Variants in PKNOX2 observed in about 807,000 individuals in gnomAD.
PKNOX2 encodes PBX/knotted 1 homeobox 2.
A neutral mutation model predicts 53.1 loss-of-function variants in PKNOX2; 14 were observed. That is an observed-to-expected ratio of 0.26 (90% CI 0.17 to 0.41). PKNOX2 has a LOEUF of 0.41. PKNOX2 is among the 10% of genes least tolerant of loss of function. The probability of loss-of-function intolerance (pLI) is 1.00; values close to 1 mark genes in which losing one functional copy is unlikely to be tolerated. For synonymous variants in PKNOX2, 257 were observed against 242.8 expected, an observed-to-expected ratio of 1.06 and a Z score of -0.54; for missense variants, 496 against 602.8, an observed-to-expected ratio of 0.82 and a Z score of 1.85.
rs575439410 is a variant in PKNOX2, at chr11:125,321,775, C to T, written c.-129-10044C>T. On this transcript the variant is annotated intron_variant, in intron 2 of 12. Coordinates refer to ENST00000298282, the MANE Select transcript of PKNOX2 (RefSeq NM_001382323.2). ...CCTTTTGGGCTGCTGTCACAAGATA[C>T]CTTAGACTGGGTAATGTAGAAAACA... 5.5e-4 allele frequency among the ~76,000 whole-genome samples: 84 copies of T among 152,320 alleles called. 4 individuals are homozygous for T. Among genetic ancestry groups the T allele is most frequent in the African/African-American group, 3.8e-4 (16 of 41,572 alleles).
intron 10 of PKNOX2, among the ~76,000 whole-genome samples, chr11:125,415,197 A>T (rs1489705266): frequency 1.3e-5 from 2 of 151,958 alleles, no homozygotes; most frequent in Non-Finnish European, 2.9e-5. Flanking sequence ...TCCATGGTGA[A>T]ATAAGTTTGG....
intron 10 of PKNOX2, among the ~76,000 whole-genome samples, chr11:125,425,134 C>T (rs1366609330): frequency 6.6e-6 from 1 of 152,214 alleles, no homozygotes; most frequent in Non-Finnish European, 1.5e-5. Flanking sequence ...TTACCCTGCA[C>T]TATCTCATTA....
chr11:125,350,620 C>A (rs576421070), intron 3 of PKNOX2, among the ~76,000 whole-genome samples: 1 of 152,170 alleles, frequency 6.6e-6, no homozygotes, highest in Non-Finnish European at 1.5e-5. Flanking sequence ...GTCACAAGCC[C>A]GAGTCTGGGA....
At position 125,202,202 on chromosome 11, in the gene PKNOX2, C is replaced by T. The variant is rs139179932; in HGVS notation, c.-200-32843C>T. Among the ~76,000 whole-genome samples the T allele has an allele frequency of 6.5e-3, 989 of 152,298 alleles. 39 individuals are homozygous for T. The highest frequency in any genetic ancestry group is 0.058 in the Admixed American group (886 of 15,300). On this transcript the variant is annotated intron_variant, in intron 1 of 12. Coordinates refer to ENST00000298282, the MANE Select transcript of PKNOX2 (RefSeq NM_001382323.2). ...CCTGCAAAAGACACAGCCTGAATGG[C>T]ATCCCCAAGACAGCCCCCCATCTCG...
chr11:125,288,663 C>A (rs927926431), intron 2 of PKNOX2, among the ~76,000 whole-genome samples: 1 of 152,132 alleles, frequency 6.6e-6, no homozygotes, highest in Non-Finnish European at 1.5e-5. Flanking sequence ...GCACGTCTCC[C>A]GTAGGAAGCA....
At chr11:125,419,382 A>T (rs1956050724) in intron 10 of PKNOX2, among the ~76,000 whole-genome samples, 1 of 151,628 alleles carries the variant, frequency 6.6e-6, no homozygotes, top group Admixed American at 6.5e-5. Flanking sequence ...CTTGCCTTGG[A>T]AAATGCTGAG....
At chr11:125,182,360 G>A (rs1956203376) in intron 1 of PKNOX2, among the ~76,000 whole-genome samples, 1 of 152,184 alleles carries the variant, frequency 6.6e-6, no homozygotes, top group Non-Finnish European at 1.5e-5. Context: ...ATCCCCCAGA[G>A]ATAGGCAGAT....
intron 4 of PKNOX2, among the ~76,000 whole-genome samples, chr11:125,360,178 A>T (rs1369579198): frequency 1.3e-5 from 2 of 149,984 alleles, no homozygotes; most frequent in African/African-American, 4.9e-5. Context: ...GAAAAAAAGG[A>T]GTGTCTGTGC....
chr11:125,351,890 C>T (rs867016599), intron 4 of PKNOX2, among the ~76,000 whole-genome samples: 3 of 152,278 alleles, frequency 2.0e-5, no homozygotes, highest in Middle Eastern at 3.4e-3. Flanking sequence ...CAGAACTCTT[C>T]TGGGCTTCTA....
intron 1 of PKNOX2, among the ~76,000 whole-genome samples, chr11:125,196,992 C>G (rs1005399622): frequency 6.6e-5 from 10 of 152,210 alleles, no homozygotes; most frequent in Non-Finnish European, 1.0e-4. Context: ...AGCGATGTGG[C>G]TACTTAAATT....
intron 2 of PKNOX2, among the ~76,000 whole-genome samples, chr11:125,285,670 C>G (rs909449431): frequency 2.0e-5 from 3 of 152,190 alleles, no homozygotes; most frequent in African/African-American, 7.2e-5. Context: ...CAGTGGTGTG[C>G]TGGAGCCAGC....
chr11:125,169,395 A>G (rs1183788040), intron 1 of PKNOX2, among the ~76,000 whole-genome samples: 1 of 152,130 alleles, frequency 6.6e-6, no homozygotes, highest in Non-Finnish European at 1.5e-5. Context: ...CATGGCCAGG[A>G]TTGTTGCGAT....
At chr11:125,360,839 G>A (rs191291284) in intron 4 of PKNOX2, among the ~76,000 whole-genome samples, 1 of 152,318 alleles carries the variant, frequency 6.6e-6, no homozygotes, top group East Asian at 1.9e-4. Flanking sequence ...TGAACACCCT[G>A]TACCTTGAGT....
intron 10 of PKNOX2, among the ~76,000 whole-genome samples, chr11:125,424,911 C>T (rs1249944796): frequency 2.6e-5 from 4 of 152,094 alleles, no homozygotes; most frequent in South Asian, 4.2e-4. Context: ...AGGAGAGTTG[C>T]GTTATGGGGC....
intron 2 of PKNOX2, among the ~76,000 whole-genome samples, chr11:125,251,838 A>G (rs1480265432): frequency 1.3e-5 from 2 of 150,332 alleles, no homozygotes; most frequent in Non-Finnish European, 3.0e-5. Flanking sequence ...CACTGTGGTG[A>G]TGGCCTCAGT....
rs1671474157 is a variant in PKNOX2, at chr11:125,431,056, AC to A, written c.1193-109del. The A allele has an allele frequency of 2.0e-6, 3 of 1,468,268 alleles. No homozygotes were observed. In the Admixed American group the frequency reaches 6.9e-5, roughly 34 times the overall value. The allele number at this position is 1,468,268 out of a possible 1,614,324, so 91.0% of individuals were successfully genotyped here. A position where few individuals can be genotyped will look rare whatever the true frequency, so the allele number is the denominator to read the frequency against. Reference sequence around the variant, plus strand: ...AGCTCAGGCTTGGACAGCTCTAAAAACAAGGAGTTCACTGCTCTATGAGCCA... The same window carrying A: ...AGCTCAGGCTTGGACAGCTCTAAAAAAAGGAGTTCACTGCTCTATGAGCCA... On this transcript the variant is annotated intron_variant, in intron 12 of 12. Transcript: ENST00000298282.
intron 2 of PKNOX2, among the ~76,000 whole-genome samples, chr11:125,245,157 GGT>G (rs1299655840): frequency 6.6e-6 from 1 of 152,150 alleles, no homozygotes; most frequent in Non-Finnish European, 1.5e-5. Context: ...ACTCAGCCTT[GGT>G]GGCTGGCTGA....
At chr11:125,232,019 C>T (rs1040270756) in intron 1 of PKNOX2, among the ~76,000 whole-genome samples, 12 of 152,316 alleles carry the variant, frequency 7.9e-5, no homozygotes, top group Non-Finnish European at 1.8e-4. Context: ...TCACTACCTT[C>T]CAAGGAAGAC....
chr11:125,215,627 C>A lies in PKNOX2; in HGVS notation c.-200-19418C>A, dbSNP rs576620861. Among the ~76,000 whole-genome samples the A allele has an allele frequency of 2.9e-4, 44 of 151,418 alleles. 1 individual carries two copies. Among genetic ancestry groups the A allele is most frequent in the African/African-American group, 1.0e-3 (43 of 41,470 alleles). On this transcript the variant is annotated intron_variant, in intron 1 of 12. Coordinates refer to ENST00000298282, the MANE Select transcript of PKNOX2 (RefSeq NM_001382323.2). ...ATTCGCCAGGCATAGTGGTGTGCAC[C>A]AGTAATCCCAGCTACTAGGGAAGCT...
Sources: gnomAD v4.1 joint callset for allele counts (sites outside exome capture counted in the v4.1 genomes callset) on GRCh38, gnomAD v4.1.1 for gene constraint, MANE v1.5 for transcripts, NCBI Gene and HGNC (gene_info 2026-07-23, HGNC 2026-07-21) for gene names.